CNTN1: variants seen among roughly 807,000 people sequenced by gnomAD.
CNTN1 encodes the protein contactin 1, also known as contactin-1.
Under a neutral mutation model 126.4 loss-of-function variants are expected in CNTN1, and 38 were observed. That is an observed-to-expected ratio of 0.30 (90% CI 0.23 to 0.39). The LOEUF is 0.39. Ranked by LOEUF, CNTN1 falls within the 10% of genes least tolerant of loss-of-function variation. CNTN1 has a pLI of 1.00. For synonymous variants in CNTN1, 413 were observed against 422.6 expected (o/e 0.98, Z 0.28); for missense variants, 1,009 against 1,248.4 (o/e 0.81, Z 2.89).
chr12:41,014,147 G>A, intron 17 of CNTN1, 81 bp from the exon 18 acceptor site: 1 of 1,292,308 alleles, frequency 7.7e-7, no homozygotes, highest in South Asian at 1.2e-5. Flanking sequence ...TTTCTGTGGT[G>A]AATAAGAATT....
intron 1 of CNTN1, among the ~76,000 whole-genome samples, chr12:40,832,766 G>A (rs1941895228): frequency 1.3e-5 from 2 of 152,078 alleles, no homozygotes; most frequent in Admixed American, 6.6e-5. Context: ...TTTTTCAAAT[G>A]CAAACCAACC....
chr12:41,007,546 C>A (rs1183577491), intron 17 of CNTN1, among the ~76,000 whole-genome samples: 1 of 152,162 alleles, frequency 6.6e-6, no homozygotes, highest in Non-Finnish European at 1.5e-5. Context: ...AGAAACAGTT[C>A]TCTCTCTATA....
At chr12:40,917,278 TG>T (rs1337049580) in intron 3 of CNTN1, among the ~76,000 whole-genome samples, 1 of 151,918 alleles carries the variant, frequency 6.6e-6, no homozygotes, top group Non-Finnish European at 1.5e-5. Context: ...TTCATGAGAG[TG>T]TTTTTAAAAT....
rs35570862 is a variant in CNTN1, at chr12:40,698,228, A to ATTTTT, written c.-77+5660_-77+5664dup. On this transcript the variant is annotated intron_variant, in intron 1 of 23. Coordinates refer to ENST00000551295, the MANE Select transcript of CNTN1 (RefSeq NM_001843.4). Reference sequence around the variant, plus strand: ...AGCGTGCTTTGAGGCCAGCCACTTAATTTTTTTTTTTTTTTTTTTTTTTTT... The same window carrying ATTTTT: ...AGCGTGCTTTGAGGCCAGCCACTTAATTTTTTTTTTTTTTTTTTTTTTTTTTTTTT... 4.1e-3 allele frequency among the ~76,000 whole-genome samples: 285 copies of ATTTTT among 69,864 alleles called. 11 individuals carry two copies. Among genetic ancestry groups the ATTTTT allele is most frequent in the Non-Finnish European group, 4.6e-3 (180 of 38,934 alleles). 45.8% of individuals were successfully genotyped at this position (69,864 alleles called of 152,430 possible).
intron 1 of CNTN1, among the ~76,000 whole-genome samples, chr12:40,747,082 T>C (rs1290373779): frequency 6.6e-6 from 1 of 152,054 alleles, no homozygotes; most frequent in African/African-American, 2.4e-5. Context: ...CCTAGACACA[T>C]TACATCTAAT....
intron 1 of CNTN1, among the ~76,000 whole-genome samples, chr12:40,864,019 CTT>C (rs71434336): frequency 0.23 from 20,844 of 92,192 alleles, 2,322 homozygotes; most frequent in South Asian, 0.31. Context: ...CTCTGCTTTC[CTT>C]TTTTTTTTTT....
intron 17 of CNTN1, among the ~76,000 whole-genome samples, chr12:41,008,178 T>C (rs1948550884): frequency 6.6e-6 from 1 of 152,178 alleles, no homozygotes; most frequent in Non-Finnish European, 1.5e-5. Context: ...CATGTCCATG[T>C]ATGGTTCTGT....
chr12:40,984,972 A>G (rs1208297268), intron 16 of CNTN1, among the ~76,000 whole-genome samples: 1 of 152,062 alleles, frequency 6.6e-6, no homozygotes, highest in Non-Finnish European at 1.5e-5. Context: ...TTACAAAATT[A>G]CCTTTACCAA....
At chr12:40,945,468 G>C (rs1048503885) in intron 14 of CNTN1, among the ~76,000 whole-genome samples, 10 of 151,912 alleles carry the variant, frequency 6.6e-5, no homozygotes, top group African/African-American at 2.4e-4. Flanking sequence ...GTTATAAATT[G>C]AATAATTTCA....
chr12:40,945,071 T>A (rs1469881290), intron 14 of CNTN1, among the ~76,000 whole-genome samples: 1 of 152,088 alleles, frequency 6.6e-6, no homozygotes, highest in Middle Eastern at 3.2e-3. Flanking sequence ...TCCAGCTATG[T>A]TTTTAGCTTT....
At chr12:40,708,845 T>C (rs1565628645) in intron 1 of CNTN1, among the ~76,000 whole-genome samples, 1 of 152,200 alleles carries the variant, frequency 6.6e-6, no homozygotes, top group Non-Finnish European at 1.5e-5. Flanking sequence ...AGCAATTCAG[T>C]CAAATATTCG....
chr12:41,056,989 AAAT>A (rs1949826411), intron 23 of CNTN1, among the ~76,000 whole-genome samples: 1 of 96,764 alleles, frequency 1.0e-5, no homozygotes, highest in South Asian at 2.7e-4. Context: ...AGATATTTAT[AAAT>A]ATTATAAATA....
At chr12:40,790,086 T>G (rs1940164253) in intron 1 of CNTN1, among the ~76,000 whole-genome samples, 1 of 152,132 alleles carries the variant, frequency 6.6e-6, no homozygotes, top group Non-Finnish European at 1.5e-5. Context: ...GCATGCACTT[T>G]GCCTATATTA....
chr12:40,961,185 T>C (rs1319480590), intron 15 of CNTN1, among the ~76,000 whole-genome samples: 1 of 152,042 alleles, frequency 6.6e-6, no homozygotes, highest in Non-Finnish European at 1.5e-5. Context: ...AGTAGGATGC[T>C]AATAAAACCA....
intron 1 of CNTN1, among the ~76,000 whole-genome samples, chr12:40,888,282 T>C (rs1944121753): frequency 6.6e-6 from 1 of 152,190 alleles, no homozygotes; most frequent in Non-Finnish European, 1.5e-5. Flanking sequence ...CTTTTTAAAA[T>C]TTCAAAATAA....
At chr12:40,868,428 T>C (rs1365045063) in intron 1 of CNTN1, among the ~76,000 whole-genome samples, 3 of 152,142 alleles carry the variant, frequency 2.0e-5, no homozygotes, top group East Asian at 1.9e-4. Flanking sequence ...TCAGTACTTA[T>C]GTGGTTCAAC....
chr12:40,830,005 G>A (rs1484672030), intron 1 of CNTN1, among the ~76,000 whole-genome samples: 2 of 152,134 alleles, frequency 1.3e-5, no homozygotes, highest in African/African-American at 2.4e-5. Context: ...AAAAGCTCCC[G>A]TGCTGGGTGA....
chr12:40,827,197 T>C (rs1941642761), intron 1 of CNTN1, among the ~76,000 whole-genome samples: 1 of 151,600 alleles, frequency 6.6e-6, no homozygotes. Context: ...TTTCAGGCAA[T>C]GAAAACAATG....
At chr12:40,864,254 A>C (rs2136652152) in intron 1 of CNTN1, among the ~76,000 whole-genome samples, 1 of 151,924 alleles carries the variant, frequency 6.6e-6, no homozygotes, top group East Asian at 1.9e-4. Flanking sequence ...TCCTGACCTC[A>C]GGTGATCTAC....
Sources: allele counts gnomAD v4.1 joint callset (sites outside exome capture counted in the v4.1 genomes callset), GRCh38; gene constraint gnomAD v4.1.1; transcripts MANE v1.5; gene names NCBI Gene and HGNC (gene_info 2026-07-23, HGNC 2026-07-21).